FBXO31: variants seen among roughly 807,000 people sequenced by gnomAD.
FBXO31 encodes F-box only protein 31.
In FBXO31, 24 loss-of-function variants were observed where a neutral mutation model predicts 54.4. The ratio of observed to expected loss-of-function variants is 0.44; its 90% CI spans 0.32 to 0.62. The LOEUF (loss-of-function observed/expected upper bound fraction) is 0.62. Ranked by LOEUF, FBXO31 falls within the 20% of genes least tolerant of loss-of-function variation. The pLI is 0.05. For synonymous variants in FBXO31, 388 were observed against 335.6 expected (o/e 1.16, Z -1.71); for missense variants, 665 against 787.1 (o/e 0.84, Z 1.86).
At position 87,338,726 on chromosome 16, in the gene FBXO31, C is replaced by T. The variant is rs534958678; in HGVS notation, c.733-2462G>A. Among the ~76,000 whole-genome samples, 1 of 152,086 alleles carries T rather than the reference C, an allele frequency of 6.6e-6. No individual in the cohort carries two copies. The highest frequency in any genetic ancestry group is 1.5e-5 in the Non-Finnish European group (1 of 68,012). On this transcript the variant is annotated intron_variant, in intron 5 of 8. Coordinates refer to ENST00000311635, the MANE Select transcript of FBXO31 (RefSeq NM_024735.5). The surrounding 1 kb of genome is among the most constrained non-coding windows in gnomAD (Gnocchi z 4.3). The stretch of plus-strand genomic sequence containing the variant: ...GATGCCAAAGAGACTGCATTGCCCT[C>T]GAAGCCTCCCCTGTCCAGAGCCTGG...
chr16:87,337,184 C>A (rs977975972), intron 5 of FBXO31, among the ~76,000 whole-genome samples: 3 of 152,192 alleles, frequency 2.0e-5, no homozygotes, highest in Admixed American at 6.5e-5. Flanking sequence ...TAAAAAAATT[C>A]TATGTACAAA....
Position 87,328,237 on chromosome 16 carries a change from T to TC in FBXO31, c.*3050dup, listed in dbSNP as rs1904719498. The TC allele has an allele frequency of 1.3e-5, 2 of 152,270 alleles. No individual in the cohort carries two copies. Among genetic ancestry groups the TC allele is most frequent in the African/African-American group, 4.8e-5 (2 of 41,434 alleles). 9.4% of individuals were successfully genotyped at this position (152,270 alleles called of 1,614,324 possible). On this transcript the variant is annotated 3_prime_UTR_variant, in exon 9 of 9. Transcript: ENST00000311635. ...AACTGCAGGTTCTCAGAGAAAAATCTCCAGCTCAGACCCGGTTCTGCACAA... is the reference window on the plus strand; with the variant it reads ...AACTGCAGGTTCTCAGAGAAAAATCTCCCAGCTCAGACCCGGTTCTGCACAA...
intron 2 of FBXO31, among the ~76,000 whole-genome samples, chr16:87,356,272 C>T (rs1905887777): frequency 6.6e-6 from 1 of 151,782 alleles, no homozygotes; most frequent in African/African-American, 2.4e-5. Context: ...GAAAAGCCAG[C>T]ACATTCCTGT....
intron 5 of FBXO31, among the ~76,000 whole-genome samples, chr16:87,339,063 G>A (rs1905116112): frequency 1.3e-5 from 2 of 152,160 alleles, no homozygotes; most frequent in Admixed American, 6.5e-5. Flanking sequence ...GGCCTCCCCA[G>A]CCACATGGAA....
intron 2 of FBXO31, among the ~76,000 whole-genome samples, chr16:87,357,607 C>T (rs1905953704): frequency 6.6e-6 from 1 of 152,058 alleles, no homozygotes; most frequent in Non-Finnish European, 1.5e-5. Context: ...GGATTACAGG[C>T]ATTAGCCACC....
At chr16:87,378,636 C>T (rs1045920039) in intron 1 of FBXO31, among the ~76,000 whole-genome samples, 10 of 152,322 alleles carry the variant, frequency 6.6e-5, no homozygotes, top group Non-Finnish European at 1.0e-4. Flanking sequence ...AACACCACTC[C>T]TGGATATAAT....
chr16:87,330,976 C>G lies in FBXO31; in HGVS notation c.*312G>C, dbSNP rs966085291. The G allele has an allele frequency of 6.5e-6, 2 of 306,546 alleles. No individual in the cohort carries two copies. Among genetic ancestry groups the G allele is most frequent in the African/African-American group, 4.3e-5 (2 of 46,246 alleles). The allele number at this position is 306,546 out of a possible 1,614,324, so 19.0% of individuals were successfully genotyped here. A position where few individuals can be genotyped will look rare whatever the true frequency, so the allele number is the denominator to read the frequency against. ...TTCCCGAGAAAACCACCAGCCAGCC[C>G]AGGGTGCGGGAACCCCACCGCTTCA... On this transcript the variant is annotated 3_prime_UTR_variant, in exon 9 of 9. Coordinates refer to ENST00000311635, the MANE Select transcript of FBXO31 (RefSeq NM_024735.5).
At position 87,338,654 on chromosome 16, in the gene FBXO31, C is replaced by T. The variant is rs1316360255; in HGVS notation, c.733-2390G>A. Among the ~76,000 whole-genome samples, 2 of 152,144 alleles carry T rather than the reference C, an allele frequency of 1.3e-5. No individual in the cohort carries two copies. Among genetic ancestry groups the T allele is most frequent in the African/African-American group, 2.4e-5 (1 of 41,414 alleles). On this transcript the variant is annotated intron_variant, in intron 5 of 8. Coordinates refer to ENST00000311635, the MANE Select transcript of FBXO31 (RefSeq NM_024735.5). This position sits in a 1 kb window ranked among gnomAD's most constrained non-coding sequence, Gnocchi z 4.3. ...TCATGCCAGTGACGCAGCCTGGGTA[C>T]AAGGAATGGCCTCCCGGGGTGGGGG...
At chr16:87,365,515 T>C (rs1183184765) in intron 1 of FBXO31, among the ~76,000 whole-genome samples, 1 of 152,188 alleles carries the variant, frequency 6.6e-6, no homozygotes, top group East Asian at 1.9e-4. Flanking sequence ...ACCTGCAGCA[T>C]GGCCTCCTTG....
intron 1 of FBXO31, among the ~76,000 whole-genome samples, chr16:87,376,540 G>A (rs1287280604): frequency 6.6e-6 from 1 of 152,158 alleles, no homozygotes; most frequent in African/African-American, 2.4e-5. Context: ...CTCCCAAAGT[G>A]CTGGGATTAC....
intron 8 of FBXO31, among the ~76,000 whole-genome samples, chr16:87,332,280 G>A (rs891294835): frequency 2.6e-5 from 4 of 152,204 alleles, no homozygotes; most frequent in East Asian, 1.9e-4. Flanking sequence ...TACAGGTGCC[G>A]TGGCCAGGCC....
At chr16:87,390,639 G>C (rs796070615), upstream of FBXO31, among the ~76,000 whole-genome samples, 1 of 151,876 alleles carries the variant, frequency 6.6e-6, no homozygotes, top group Non-Finnish European at 1.5e-5. Context: ...TGGGGGTTTC[G>C]CCATGTTGAC....
At position 87,358,173 on chromosome 16, in the gene FBXO31, G is replaced by A. The variant is rs574844735; in HGVS notation, c.412+2122C>T. Among the ~76,000 whole-genome samples the A allele has an allele frequency of 1.6e-4, 24 of 152,298 alleles. No homozygotes were observed. The highest frequency in any genetic ancestry group is 2.8e-4 in the Non-Finnish European group (19 of 68,038). On this transcript the variant is annotated intron_variant, in intron 2 of 8. Transcript: ENST00000311635. The surrounding 1 kb of genome is among the most constrained non-coding windows in gnomAD (Gnocchi z 4.0). ...AAGTGATCTCGACTGGTAGTACCCA[G>A]AAACCACTGCAGAAAGGTAAGCCAA...
At chr16:87,365,885 G>T (rs1465736177) in intron 1 of FBXO31, among the ~76,000 whole-genome samples, 1 of 152,052 alleles carries the variant, frequency 6.6e-6, no homozygotes, top group African/African-American at 2.4e-5. Context: ...AAAATTAGCC[G>T]GGTGTGGTGG....
intron 1 of FBXO31, among the ~76,000 whole-genome samples, chr16:87,380,129 C>T (rs1464133246): frequency 3.3e-5 from 5 of 151,296 alleles, no homozygotes; most frequent in African/African-American, 1.2e-4. Context: ...GAAACCCCGT[C>T]TCTACTAAAA....
rs1906013376 is a variant in FBXO31 at position 87,358,899 on chromosome 16, T to A, written c.412+1396A>T. On this transcript the variant is annotated intron_variant, in intron 2 of 8. Coordinates refer to ENST00000311635, the MANE Select transcript of FBXO31 (RefSeq NM_024735.5). This position sits in a 1 kb window ranked among gnomAD's most constrained non-coding sequence, Gnocchi z 4.0. ...CACTTACCCCGGCTAACATACTCAC[T>A]TTGCCCAGCACCCACCTGGCGTTTC... Among the ~76,000 whole-genome samples, 1 of 152,006 alleles carries A rather than the reference T, an allele frequency of 6.6e-6. No individual in the cohort carries two copies. Among genetic ancestry groups the A allele is most frequent in the Admixed American group, 6.6e-5 (1 of 15,250 alleles).
intron 2 of FBXO31, among the ~76,000 whole-genome samples, chr16:87,350,838 A>G (rs1254211167): frequency 6.6e-6 from 1 of 152,220 alleles, no homozygotes; most frequent in East Asian, 1.9e-4. Context: ...TGGCAATCCC[A>G]AAGTGGGAGT....
rs1007375228 is a variant in FBXO31 at position 87,360,181 on chromosome 16, G to C, written c.412+114C>G. On this transcript the variant is annotated intron_variant, in intron 2 of 8. Coordinates refer to ENST00000311635, the MANE Select transcript of FBXO31 (RefSeq NM_024735.5). ...CTATTCAAAATGTGACTGTAAGATG[G>C]TGTCTGAGAAAACAAAAGTGTGGAC... is the stretch of plus-strand genomic sequence containing the variant. 9 of 928,072 alleles carry C rather than the reference G, an allele frequency of 9.7e-6. No homozygotes were observed. In the Middle Eastern group the frequency reaches 6.4e-4, roughly 66 times the overall value. The allele number at this position is 928,072 out of a possible 1,614,324, so 57.5% of individuals were successfully genotyped here.
chr16:87,380,672 A>G (rs1451314042), intron 1 of FBXO31, among the ~76,000 whole-genome samples: 1 of 152,160 alleles, frequency 6.6e-6, no homozygotes, highest in African/African-American at 2.4e-5. Flanking sequence ...ATGTCTCAAA[A>G]TGAGAATTCT....
Sources: gnomAD v4.1 joint callset for allele counts (sites outside exome capture counted in the v4.1 genomes callset) on GRCh38, gnomAD v4.1.1 for gene constraint, Gnocchi (gnomAD v3.1) non-coding constraint, MANE v1.5 for transcripts, NCBI Gene and HGNC (gene_info 2026-07-23, HGNC 2026-07-21) for gene names.